The following OPCML variants were observed in gnomAD, a reference collection of about 807,000 sequenced individuals.
OPCML encodes opioid binding protein/cell adhesion molecule like.
Under a neutral mutation model 37.8 loss-of-function variants are expected in OPCML, and 13 were observed. The observed-to-expected ratio is 0.34, with a 90% CI of 0.22 to 0.55. The LOEUF is 0.55. Ranked by LOEUF, OPCML falls within the 20% of genes least tolerant of loss-of-function variation. The pLI is 0.91. For synonymous variants in OPCML, 176 were observed against 168.8 expected (o/e 1.04, Z -0.33); for missense variants, 341 against 435.6 (o/e 0.78, Z 1.93).
chr11:133,102,778 C>A (rs7112746), intron 1 of OPCML, among the ~76,000 whole-genome samples: 2,496 of 151,898 alleles, frequency 0.016, 52 homozygotes, highest in African/African-American at 0.053. Flanking sequence ...CAAAAACAAA[C>A]AACAACAACA....
chr11:133,205,671 C>T lies in OPCML; in HGVS notation c.62-262661G>A, dbSNP rs917749352. ...CACTCATCTGATGTCAGAAGTGTTGCGTTGCGTGAGACAAGAGAGTAGGAA... is the reference window on the plus strand; with the variant it reads ...CACTCATCTGATGTCAGAAGTGTTGTGTTGCGTGAGACAAGAGAGTAGGAA... On this transcript the variant is annotated intron_variant, in intron 1 of 7. Transcript: ENST00000524381. The surrounding 1 kb of genome is among the most constrained non-coding windows in gnomAD (Gnocchi z 4.8). 3.3e-5 allele frequency among the ~76,000 whole-genome samples: 5 copies of T among 152,148 alleles called. No individual in the cohort carries two copies. The highest frequency in any genetic ancestry group is 2.4e-5 in the African/African-American group (1 of 41,432).
intron 1 of OPCML, among the ~76,000 whole-genome samples, chr11:133,440,423 G>T (rs1163030222): frequency 1.4e-5 from 2 of 142,976 alleles, no homozygotes; most frequent in Non-Finnish European, 3.0e-5. Context: ...AAGAAAGAAA[G>T]AAATGATTAT....
intron 1 of OPCML, among the ~76,000 whole-genome samples, chr11:133,202,963 G>C (rs2136322702): frequency 6.6e-6 from 1 of 152,356 alleles, no homozygotes; most frequent in Non-Finnish European, 1.5e-5. Flanking sequence ...AGTATCTTCT[G>C]TGTGTCAGGG....
intron 1 of OPCML, among the ~76,000 whole-genome samples, chr11:133,182,093 A>C (rs79792159): frequency 0.022 from 3,366 of 152,314 alleles, 35 homozygotes; most frequent in African/African-American, 0.032. Flanking sequence ...TCAGATTTTC[A>C]AAACAAAACG....
At chr11:132,689,218 G>C (rs2135883067) in intron 2 of OPCML, among the ~76,000 whole-genome samples, 1 of 152,236 alleles carries the variant, frequency 6.6e-6, no homozygotes, top group East Asian at 1.9e-4. Flanking sequence ...AATTGTGAAG[G>C]GCAATTAGAT....
At chr11:132,665,431 C>G (rs1266191994) in intron 2 of OPCML, among the ~76,000 whole-genome samples, 1 of 152,276 alleles carries the variant, frequency 6.6e-6, no homozygotes, top group African/African-American at 2.4e-5. Flanking sequence ...AGTGAGGCAA[C>G]TGTGCTGACG....
chr11:133,103,375 C>T (rs1949113594), intron 1 of OPCML, among the ~76,000 whole-genome samples: 1 of 152,072 alleles, frequency 6.6e-6, no homozygotes. Flanking sequence ...AAATATGTCC[C>T]CATCTAAAAA....
intron 2 of OPCML, among the ~76,000 whole-genome samples, chr11:132,927,383 G>C (rs547455270): frequency 6.6e-6 from 1 of 152,056 alleles, no homozygotes. Context: ...CCCAGAAGGC[G>C]GTGGATTTTA....
chr11:132,655,852 C>T (rs982149355), intron 3 of OPCML, among the ~76,000 whole-genome samples: 30 of 147,196 alleles, frequency 2.0e-4, no homozygotes, highest in African/African-American at 7.7e-5. Context: ...AAATGAGCAA[C>T]ATCGTGGTCC....
At chr11:132,441,158 C>CTTTT (rs749099654) in intron 4 of OPCML, among the ~76,000 whole-genome samples, 5 of 108,058 alleles carry the variant, frequency 4.6e-5, no homozygotes, top group East Asian at 2.5e-4. Flanking sequence ...TCACCAAGGA[C>CTTTT]TTTTTTGTTT....
At chr11:133,455,554 G>C (rs1033505543) in intron 1 of OPCML, among the ~76,000 whole-genome samples, 1 of 152,162 alleles carries the variant, frequency 6.6e-6, no homozygotes, top group African/African-American at 2.4e-5. Context: ...TCTCCAGTTT[G>C]TTCCCAGTGC....
chr11:132,691,231 G>A (rs748505871), intron 2 of OPCML, among the ~76,000 whole-genome samples: 7 of 152,206 alleles, frequency 4.6e-5, no homozygotes, highest in Non-Finnish European at 7.3e-5. Context: ...AATTGTGAGT[G>A]AATGGATGCA....
At chr11:132,654,646 C>T (rs1239220732) in intron 3 of OPCML, among the ~76,000 whole-genome samples, 2 of 151,820 alleles carry the variant, frequency 1.3e-5, no homozygotes, top group African/African-American at 4.8e-5. Context: ...AACATCATCT[C>T]CAAGAGAAGA....
At chr11:133,232,491 G>T (rs985510168) in intron 1 of OPCML, among the ~76,000 whole-genome samples, 1 of 152,014 alleles carries the variant, frequency 6.6e-6, no homozygotes, top group Non-Finnish European at 1.5e-5. Flanking sequence ...AGTCATGACA[G>T]TTATTAGGAC....
chr11:133,315,951 C>A (rs1309978082), intron 1 of OPCML, among the ~76,000 whole-genome samples: 1 of 152,140 alleles, frequency 6.6e-6, no homozygotes, highest in African/African-American at 2.4e-5. Context: ...GGTGCAGCAG[C>A]AAGAACAACA....
intron 3 of OPCML, among the ~76,000 whole-genome samples, chr11:132,611,608 T>C (rs1938644323): frequency 6.6e-6 from 1 of 152,174 alleles, no homozygotes; most frequent in African/African-American, 2.4e-5. Flanking sequence ...CAGGAGGCAC[T>C]GAACACAAAT....
chr11:132,660,781 T>G (rs566837035), intron 2 of OPCML, among the ~76,000 whole-genome samples: 1 of 152,278 alleles, frequency 6.6e-6, no homozygotes, highest in East Asian at 1.9e-4. Flanking sequence ...CCTTCAAGAC[T>G]GATACCCTGC....
At chr11:133,213,351 A>G (rs1247094949) in intron 1 of OPCML, among the ~76,000 whole-genome samples, 1 of 151,998 alleles carries the variant, frequency 6.6e-6, no homozygotes, top group Admixed American at 6.6e-5. Flanking sequence ...AATTTAAAAG[A>G]TCCTTTTTCA....
intron 1 of OPCML, among the ~76,000 whole-genome samples, chr11:133,296,323 A>G (rs1942628644): frequency 1.3e-5 from 2 of 152,068 alleles, no homozygotes; most frequent in Admixed American, 1.3e-4. Flanking sequence ...TTAGCGGTTT[A>G]TTTGCTTCTG....
Sources: allele counts gnomAD v4.1 joint callset (sites outside exome capture counted in the v4.1 genomes callset), GRCh38; gene constraint gnomAD v4.1.1; non-coding constraint Gnocchi (gnomAD v3.1); transcripts MANE v1.5; gene names NCBI Gene and HGNC (gene_info 2026-07-23, HGNC 2026-07-21).